PRDM5: variants seen among roughly 807,000 people sequenced by gnomAD.
The protein encoded by PRDM5 is PR domain zinc finger protein 5.
A neutral mutation model predicts 81.2 loss-of-function variants in PRDM5; 56 were observed. The observed-to-expected ratio is 0.69, with a 90% confidence interval of 0.56 to 0.86. PRDM5 has a LOEUF of 0.86. Ranked by LOEUF, PRDM5 falls within the 40% of genes least tolerant of loss-of-function variation. The probability of loss-of-function intolerance (pLI) is 0.00; values close to 1 mark genes in which losing one functional copy is unlikely to be tolerated. For missense variants in PRDM5, 697 were observed against 770.1 expected, an observed-to-expected ratio of 0.91 and a Z score of 1.12; for synonymous variants, 267 against 256.4, an observed-to-expected ratio of 1.04 and a Z score of -0.39.
At chr4:120,736,441 C>T (rs918371274) in intron 14 of PRDM5, among the ~76,000 whole-genome samples, 1 of 152,058 alleles carries the variant, frequency 6.6e-6, no homozygotes, top group Non-Finnish European at 1.5e-5. Flanking sequence ...TGGTAGTGGC[C>T]AGTAACCAGC....
chr4:120,794,068 A>G (rs1161900139), intron 10 of PRDM5, among the ~76,000 whole-genome samples: 1 of 152,230 alleles, frequency 6.6e-6, no homozygotes, highest in Non-Finnish European at 1.5e-5. Context: ...AATGACCTGT[A>G]TCTGTGGTTC....
At chr4:120,883,222 T>C (rs1171571693) in intron 2 of PRDM5, among the ~76,000 whole-genome samples, 5 of 152,232 alleles carry the variant, frequency 3.3e-5, no homozygotes, top group Non-Finnish European at 4.4e-5. Flanking sequence ...TTAAGTATTA[T>C]AGTGTTAGAA....
chr4:120,900,221 C>T (rs1765087693), intron 2 of PRDM5, among the ~76,000 whole-genome samples: 1 of 152,140 alleles, frequency 6.6e-6, no homozygotes, highest in African/African-American at 2.4e-5. Context: ...CCACCCTCCT[C>T]TCCCTAGAGG....
At chr4:120,901,222 T>C (rs1030450162) in intron 2 of PRDM5, among the ~76,000 whole-genome samples, 1 of 152,218 alleles carries the variant, frequency 6.6e-6, no homozygotes, top group Non-Finnish European at 1.5e-5. Flanking sequence ...CAGTCTTTTA[T>C]CCCTCACCCT....
chr4:120,730,402 A>G (rs1041787650), intron 14 of PRDM5, among the ~76,000 whole-genome samples: 2 of 152,208 alleles, frequency 1.3e-5, no homozygotes, highest in African/African-American at 4.8e-5. Context: ...ATAACTGGGT[A>G]ACTTTATGTA....
downstream of PRDM5, among the ~76,000 whole-genome samples, chr4:120,688,133 T>A (rs1402785535): frequency 1.3e-5 from 2 of 152,124 alleles, no homozygotes; most frequent in African/African-American, 2.4e-5. Context: ...TACATCCTCA[T>A]CAATGGTTGT....
intron 2 of PRDM5, among the ~76,000 whole-genome samples, chr4:120,862,684 T>C (rs900296909): frequency 1.3e-5 from 2 of 152,200 alleles, no homozygotes; most frequent in African/African-American, 4.8e-5. Context: ...CTAGACTACT[T>C]GTGTAAACAA....
chr4:120,818,528 C>T lies in PRDM5; in HGVS notation c.476-1G>A. ...TAGTCCTCTTTACAGCCAAGGCGATCTGCACATTCACAAGGAAACATATTC... is the reference window on the plus strand; with the variant it reads ...TAGTCCTCTTTACAGCCAAGGCGATTTGCACATTCACAAGGAAACATATTC... On this transcript the variant is annotated splice_acceptor_variant, in intron 4 of 15. Transcript: ENST00000264808. LOFTEE classifies it high-confidence loss of function. 6.2e-7 allele frequency: 1 copy of T among 1,611,666 alleles called. No individual in the cohort carries two copies. The highest frequency in any genetic ancestry group is 8.5e-7 in the Non-Finnish European group (1 of 1,177,836).
intron 9 of PRDM5, among the ~76,000 whole-genome samples, chr4:120,799,305 T>C (rs1448152243): frequency 6.6e-6 from 1 of 152,186 alleles, no homozygotes; most frequent in Non-Finnish European, 1.5e-5. Flanking sequence ...TCAGACACTA[T>C]GCTAGCACAG....
chr4:120,689,898 A>G (rs1390769694), downstream of PRDM5, among the ~76,000 whole-genome samples: 3 of 152,144 alleles, frequency 2.0e-5, no homozygotes, highest in Non-Finnish European at 4.4e-5. Flanking sequence ...TACAGGCATG[A>G]GCCACCGTGT....
chr4:120,763,999 A>C (rs1746009259), intron 13 of PRDM5, among the ~76,000 whole-genome samples: 1 of 152,086 alleles, frequency 6.6e-6, no homozygotes, highest in Non-Finnish European at 1.5e-5. Context: ...TTTGCAGAAA[A>C]ACAACACAGA....
rs1303388912 is a variant in PRDM5, at chr4:120,808,702, AC to A, written c.945+2667del. ...AGAGGCTCGGGCTGCACAGGAGCCC[AC>A]GGCAATGGGGAGGCTCAGGCACGGT... On this transcript the variant is annotated intron_variant, in intron 8 of 15. Coordinates refer to ENST00000264808, the MANE Select transcript of PRDM5 (RefSeq NM_018699.4). Among the ~76,000 whole-genome samples the A allele has an allele frequency of 3.9e-5, 6 of 152,290 alleles. No individual in the cohort carries two copies. The South Asian group carries it at 1.0e-3, about 26-fold the overall frequency.
intron 13 of PRDM5, among the ~76,000 whole-genome samples, chr4:120,759,659 T>A (rs1044351471): frequency 6.6e-6 from 1 of 152,254 alleles, no homozygotes; most frequent in Admixed American, 6.5e-5. Flanking sequence ...CAAAAACTTA[T>A]CTTCAGTTTT....
At chr4:120,684,827 T>C (rs1002642775), downstream of PRDM5, 1 of 152,020 alleles carries the variant, frequency 6.6e-6, no homozygotes, top group African/African-American at 2.4e-5. Context: ...AAAATTAATG[T>C]AATATTCTCA....
chr4:120,746,353 C>T (rs1483723303), intron 14 of PRDM5, among the ~76,000 whole-genome samples: 1 of 146,492 alleles, frequency 6.8e-6, no homozygotes, highest in Non-Finnish European at 1.5e-5. Flanking sequence ...TAGGCATTAC[C>T]ATTCAGGACA....
At chr4:120,906,564 TTGATA>T (rs1188339840) in intron 2 of PRDM5, among the ~76,000 whole-genome samples, 1 of 152,180 alleles carries the variant, frequency 6.6e-6, no homozygotes, top group African/African-American at 2.4e-5. Context: ...CTTTCCTATT[TTGATA>T]CCTTAGGTCC....
At chr4:120,876,560 T>A (rs1473011637) in intron 2 of PRDM5, among the ~76,000 whole-genome samples, 1 of 152,160 alleles carries the variant, frequency 6.6e-6, no homozygotes, top group African/African-American at 2.4e-5. Flanking sequence ...CAGAACTGAC[T>A]GTATAACCAA....
chr4:120,747,866 G>T (rs1469292240), intron 14 of PRDM5, among the ~76,000 whole-genome samples: 1 of 152,210 alleles, frequency 6.6e-6, no homozygotes, highest in African/African-American at 2.4e-5. Flanking sequence ...TTGGGTTTTT[G>T]AAATGTGTTC....
chr4:120,755,571 C>T (rs1407865096), intron 13 of PRDM5, among the ~76,000 whole-genome samples: 1 of 152,110 alleles, frequency 6.6e-6, no homozygotes, highest in Non-Finnish European at 1.5e-5. Flanking sequence ...TCTCATGTTC[C>T]ATTTGGTTCT....
Sources: gnomAD v4.1 joint callset for allele counts (sites outside exome capture counted in the v4.1 genomes callset) on GRCh38, gnomAD v4.1.1 for gene constraint, MANE v1.5 for transcripts, NCBI Gene and HGNC (gene_info 2026-07-23, HGNC 2026-07-21) for gene names.